The following SLC4A4 variants were observed in gnomAD, a reference collection of about 807,000 sequenced individuals.
SLC4A4 encodes the protein solute carrier family 4 member 4, also known as electrogenic sodium bicarbonate cotransporter 1.
Under a neutral mutation model 111.5 loss-of-function variants are expected in SLC4A4, and 27 were observed. The observed-to-expected ratio is 0.24, with a 90% CI of 0.18 to 0.33. SLC4A4 has a LOEUF of 0.33. SLC4A4 is among the 10% of genes least tolerant of loss of function. The probability of loss-of-function intolerance (pLI) is 1.00; values close to 1 mark genes in which losing one functional copy is unlikely to be tolerated. For synonymous variants in SLC4A4, 443 were observed against 463.4 expected, an observed-to-expected ratio of 0.96 and a Z score of 0.57; for missense variants, 909 against 1,315.5, an observed-to-expected ratio of 0.69 and a Z score of 4.78.
intron 18 of SLC4A4, among the ~76,000 whole-genome samples, chr4:71,539,643 A>G (rs1231513669): frequency 6.6e-6 from 1 of 152,136 alleles, no homozygotes; most frequent in African/African-American, 2.4e-5. Flanking sequence ...AATGTAATTT[A>G]TATTTCTCTT....
chr4:71,437,885 T>C (rs1051992439), intron 7 of SLC4A4: 16 of 176,492 alleles, frequency 9.1e-5, no homozygotes, highest in Non-Finnish European at 1.7e-4. Context: ...GCAGCACCTA[T>C]TCTCTTGCTG....
At chr4:71,310,257 A>G (rs1372668709) in intron 3 of SLC4A4, among the ~76,000 whole-genome samples, 1 of 152,068 alleles carries the variant, frequency 6.6e-6, no homozygotes. Flanking sequence ...TGGAAAACAT[A>G]CTTAAGGATA....
At chr4:71,236,461 GC>G in intron 1 of SLC4A4, 114 bp from the exon 2 acceptor site, 1 of 933,058 alleles carries the variant, frequency 1.1e-6, no homozygotes. Context: ...GAGTGACTCT[GC>G]CCTGCTAACA....
chr4:71,461,349 T>G (rs1726803438), intron 12 of SLC4A4, among the ~76,000 whole-genome samples: 2 of 152,056 alleles, frequency 1.3e-5, no homozygotes, highest in Admixed American at 6.6e-5. Context: ...CTCCTTAGCC[T>G]TTTTTCCCCT....
At chr4:71,473,080 G>GT (rs1279844270) in intron 14 of SLC4A4, 110 bp downstream of exon 14, 15 of 1,251,036 alleles carry the variant, frequency 1.2e-5, no homozygotes, top group African/African-American at 1.5e-5. Flanking sequence ...AATTAGTCTT[G>GT]TTTTTTTCTC....
intron 16 of SLC4A4, among the ~76,000 whole-genome samples, chr4:71,504,961 T>C (rs1040411917): frequency 1.2e-4 from 19 of 152,310 alleles, no homozygotes; most frequent in Non-Finnish European, 2.6e-4. Flanking sequence ...CTTCCACTTA[T>C]AAGTGAGAAC....
chr4:71,426,340 T>C (rs1723132302), intron 7 of SLC4A4, among the ~76,000 whole-genome samples: 1 of 152,048 alleles, frequency 6.6e-6, no homozygotes, highest in Admixed American at 6.6e-5. Flanking sequence ...GGGCTTAGAA[T>C]TTTTAGTTTA....
chr4:71,479,639 T>G (rs1287891404), intron 14 of SLC4A4, among the ~76,000 whole-genome samples: 1 of 151,752 alleles, frequency 6.6e-6, no homozygotes, highest in Non-Finnish European at 1.5e-5. Context: ...CTTTATGAGG[T>G]AGGTTTAAAT....
At chr4:71,117,516 T>C (rs760801371) in intron 2 of SLC4A4, among the ~76,000 whole-genome samples, 8 of 152,082 alleles carry the variant, frequency 5.3e-5, no homozygotes, top group Non-Finnish European at 1.0e-4. Context: ...TTTATAGAGG[T>C]TTAAAATGAC....
chr4:71,407,999 A>G (rs1007820955), intron 7 of SLC4A4, among the ~76,000 whole-genome samples: 3 of 152,182 alleles, frequency 2.0e-5, no homozygotes, highest in African/African-American at 4.8e-5. Flanking sequence ...AGTCTGATAA[A>G]TGCACATCAT....
In SLC4A4 at chr4:71,447,687, C is replaced by G; in HGVS notation, c.1007C>G (p.Ser336Cys). 6.2e-7 allele frequency: 1 copy of G among 1,613,246 alleles called. No homozygotes were observed. Among genetic ancestry groups the G allele is most frequent in the East Asian group, 2.2e-5 (1 of 44,830 alleles). ...TTAGGTCCTAAGGGGAAAGCCAAGT[C>G]CTACCACGAGATTGGCAGAGCCATT... ...ILLGPKGKAK[S>C]YHEIGRAIAT... Residue 336 changes from serine to cysteine, a missense_variant, in exon 9 of 26, where the codon TCC (serine) becomes TGC (cysteine). Around this residue, in one of 7 missense-constraint regions of SLC4A4, gnomAD observed 312 missense variants for 402.0 expected, o/e 0.78. Coordinates refer to ENST00000264485, the MANE Select transcript of SLC4A4 (RefSeq NM_001098484.3).
chr4:71,289,684 G>A (rs555265101), intron 3 of SLC4A4, among the ~76,000 whole-genome samples: 59 of 152,304 alleles, frequency 3.9e-4, no homozygotes, highest in African/African-American at 1.3e-3. Context: ...GGGTAACGAA[G>A]GAGGAGAGAA....
At chr4:71,420,125 A>G (rs1050893616) in intron 7 of SLC4A4, among the ~76,000 whole-genome samples, 1 of 152,214 alleles carries the variant, frequency 6.6e-6, no homozygotes, top group African/African-American at 2.4e-5. Flanking sequence ...AATAACCAAT[A>G]CAGAGAAGTA....
At chr4:71,562,077 T>C (rs1175681455) in intron 23 of SLC4A4, among the ~76,000 whole-genome samples, 1 of 151,822 alleles carries the variant, frequency 6.6e-6, no homozygotes, top group Non-Finnish European at 1.5e-5. Context: ...TAGATATGAT[T>C]TCCAACAAAT....
At chr4:71,565,232 T>A (rs1737360184) in intron 24 of SLC4A4, among the ~76,000 whole-genome samples, 1 of 151,890 alleles carries the variant, frequency 6.6e-6, no homozygotes, top group Non-Finnish European at 1.5e-5. Context: ...ATATTTCCTG[T>A]CATAGCCGAA....
intron 2 of SLC4A4, among the ~76,000 whole-genome samples, chr4:71,142,965 T>C (rs1744050177): frequency 6.6e-6 from 1 of 151,976 alleles, no homozygotes. Context: ...ATTATTATTA[T>C]ACTTTAAGTT....
intron 12 of SLC4A4, among the ~76,000 whole-genome samples, chr4:71,458,934 T>C (rs1726546216): frequency 6.6e-6 from 1 of 152,042 alleles, no homozygotes; most frequent in Admixed American, 6.6e-5. Context: ...TATTCCAGTT[T>C]CAAAGTTAGG....
Position 71,522,232 on chromosome 4 carries a change from T to A in SLC4A4, c.2167-9830T>A, listed in dbSNP as rs761532074. 5.9e-5 allele frequency among the ~76,000 whole-genome samples: 9 copies of A among 152,122 alleles called. No individual in the cohort carries two copies. In the South Asian group the frequency reaches 6.2e-4, roughly 11 times the overall value. ...ATCAGCCTCGAGTCTTTAGTCAGAG[T>A]CTTTAGTCAAATTCTTTCAGCATCA... On this transcript the variant is annotated intron_variant, in intron 16 of 25. Transcript: ENST00000264485.
chr4:71,210,405 A>G (rs1324832840), intron 1 of SLC4A4, among the ~76,000 whole-genome samples: 1 of 152,248 alleles, frequency 6.6e-6, no homozygotes, highest in African/African-American at 2.4e-5. Context: ...CTAGAACCAA[A>G]GTAACAGTTG....
Sources: gnomAD v4.1 joint callset for allele counts (sites outside exome capture counted in the v4.1 genomes callset) on GRCh38, gnomAD v4.1.1 for gene constraint, gnomAD v4.1.1 regional missense constraint, MANE v1.5 for transcripts, NCBI Gene and HGNC (gene_info 2026-07-23, HGNC 2026-07-21) for gene names.